Variants in CDH4 observed in about 807,000 individuals in gnomAD.
CDH4 encodes the protein cadherin-4.
A neutral mutation model predicts 86.0 loss-of-function variants in CDH4; 33 were observed. The observed-to-expected ratio is 0.38, with a 90% confidence interval of 0.29 to 0.51. The LOEUF (loss-of-function observed/expected upper bound fraction) is 0.51. Among genes scored for constraint, CDH4 ranks in the 20% least tolerant of loss-of-function variants. The pLI, the probability that CDH4 is intolerant of heterozygous loss-of-function variation, is 0.86. For synonymous variants in CDH4, 555 were observed against 549.4 expected (o/e 1.01, Z -0.14); for missense variants, 1,114 against 1,307.4 (o/e 0.85, Z 2.28).
intron 2 of CDH4, among the ~76,000 whole-genome samples, chr20:61,621,669 G>T (rs2086779148): frequency 6.6e-6 from 1 of 152,204 alleles, no homozygotes. Flanking sequence ...GCACCCAACA[G>T]CTGGGCATTG....
chr20:61,604,681 T>G (rs1341010414), intron 2 of CDH4, among the ~76,000 whole-genome samples: 3 of 152,188 alleles, frequency 2.0e-5, no homozygotes, highest in Admixed American at 2.0e-4. Flanking sequence ...AGAGCACACG[T>G]GCACATGCAT....
At chr20:61,570,633 A>G (rs927550141) in intron 2 of CDH4, 2 of 702,126 alleles carry the variant, frequency 2.8e-6, no homozygotes, top group African/African-American at 3.5e-5. Flanking sequence ...TGGGACAGAC[A>G]ATTTTGTTTT....
chr20:61,311,617 AGTTTGT>A (rs2084446077), intron 2 of CDH4, among the ~76,000 whole-genome samples: 1 of 152,256 alleles, frequency 6.6e-6, no homozygotes, highest in Non-Finnish European at 1.5e-5. Flanking sequence ...AATTAAGCAA[AGTTTGT>A]GTTTGTGTTA....
Position 61,805,645 on chromosome 20 carries a change from C to T in CDH4, c.576+32463C>T, listed in dbSNP as rs573102754. On this transcript the variant is annotated intron_variant, in intron 4 of 15. Transcript: ENST00000614565. ...TGGGGAGCATTCGACTGCCTGATGC[C>T]ACCCAACCTACCGCATGGCAGAGGT... is the stretch of plus-strand genomic sequence containing the variant. Among the ~76,000 whole-genome samples, 7 of 152,346 alleles carry T rather than the reference C, an allele frequency of 4.6e-5. No homozygotes were observed. The South Asian group carries it at 1.0e-3, about 23-fold the overall frequency.
rs147013757 is a variant in CDH4 at position 61,331,757 on chromosome 20, C to A, written c.169+76820C>A. On this transcript the variant is annotated intron_variant, in intron 2 of 15. Transcript: ENST00000614565. ...GAGATGCGAGGCACTGTCCCCAGGTCCCCTGTGTTAGTTACAGCACTCAGC... is the reference window on the plus strand; with the variant it reads ...GAGATGCGAGGCACTGTCCCCAGGTACCCTGTGTTAGTTACAGCACTCAGC... Among the ~76,000 whole-genome samples the A allele has an allele frequency of 3.0e-4, 45 of 152,236 alleles. No homozygotes were observed. In the East Asian group the frequency reaches 3.5e-3, roughly 12 times the overall value.
chr20:61,753,544 C>T (rs949833535), intron 3 of CDH4, among the ~76,000 whole-genome samples: 4 of 152,150 alleles, frequency 2.6e-5, no homozygotes, highest in Non-Finnish European at 5.9e-5. Flanking sequence ...TCACATATTT[C>T]CCACCGGAGG....
intron 2 of CDH4, among the ~76,000 whole-genome samples, chr20:61,615,419 G>A (rs975877482): frequency 2.0e-5 from 3 of 152,140 alleles, no homozygotes; most frequent in Non-Finnish European, 4.4e-5. Flanking sequence ...CCCGTGCCTG[G>A]CCTATTTTGC....
intron 2 of CDH4, among the ~76,000 whole-genome samples, chr20:61,673,092 C>G (rs139691674): frequency 1.3e-5 from 2 of 152,102 alleles, no homozygotes; most frequent in Non-Finnish European, 2.9e-5. Flanking sequence ...GGGATGCAGA[C>G]GGCCTCTAGA....
rs1486055291 is a variant in CDH4, at chr20:61,258,338, AAAAAAAAG to A, written c.169+3409_169+3416del. 6.3e-3 allele frequency among the ~76,000 whole-genome samples: 925 copies of A among 145,918 alleles called. 19 individuals carry two copies. The highest frequency in any genetic ancestry group is 0.023 in the African/African-American group (877 of 38,124). On this transcript the variant is annotated intron_variant, in intron 2 of 15. Coordinates refer to ENST00000614565, the MANE Select transcript of CDH4 (RefSeq NM_001794.5). Reference sequence around the variant, plus strand: ...GAACGAGACTCCGTCTCAAAAAAAAAAAAAAAAGAAAAAAAAAAAAGAAAGAGGAGCAT... The same window carrying A: ...GAACGAGACTCCGTCTCAAAAAAAAAAAAAAAAAAAAAGAAAGAGGAGCAT...
In CDH4 at chr20:61,516,519, G is replaced by T. The variant is rs895275325; in HGVS notation, c.170-227044G>T. On this transcript the variant is annotated intron_variant, in intron 2 of 15. Transcript: ENST00000614565. This position sits in a 1 kb window ranked among gnomAD's most constrained non-coding sequence, Gnocchi z 4.0. The stretch of plus-strand genomic sequence containing the variant: ...TCCATGTTGGGGAGTCTAACGGCAG[G>T]TTCTCACCGCCCTGGAAACTACATC... Among the ~76,000 whole-genome samples, 3 of 152,144 alleles carry T rather than the reference G, an allele frequency of 2.0e-5. No individual in the cohort carries two copies. Among genetic ancestry groups the T allele is most frequent in the Non-Finnish European group, 4.4e-5 (3 of 68,020 alleles).
Position 61,547,243 on chromosome 20 carries a change from C to T in CDH4, c.170-196320C>T, listed in dbSNP as rs2086094729. Among the ~76,000 whole-genome samples, 3 of 130,000 alleles carry T rather than the reference C, an allele frequency of 2.3e-5. No individual in the cohort carries two copies. The Admixed American group carries it at 2.5e-4, about 11-fold the overall frequency. 85.3% of individuals were successfully genotyped at this position (130,000 alleles called of 152,430 possible). ...TTTTTTGCCCCCTGAGACGGAGTCTCACTCTGTCTCCCAGGCTGGAGTGCA... is the reference window on the plus strand; with the variant it reads ...TTTTTTGCCCCCTGAGACGGAGTCTTACTCTGTCTCCCAGGCTGGAGTGCA... On this transcript the variant is annotated intron_variant, in intron 2 of 15. Coordinates refer to ENST00000614565, the MANE Select transcript of CDH4 (RefSeq NM_001794.5).
At chr20:61,686,146 G>C (rs2145864590) in intron 2 of CDH4, among the ~76,000 whole-genome samples, 1 of 152,332 alleles carries the variant, frequency 6.6e-6, no homozygotes, top group South Asian at 2.1e-4. Flanking sequence ...TGAGGATCTT[G>C]CCAGCTTTTC....
intron 8 of CDH4, among the ~76,000 whole-genome samples, chr20:61,905,282 T>C (rs1174166583): frequency 6.6e-6 from 1 of 152,238 alleles, no homozygotes; most frequent in African/African-American, 2.4e-5. Flanking sequence ...AAGGCCTTCT[T>C]TGTGAACCTT....
intron 2 of CDH4, among the ~76,000 whole-genome samples, chr20:61,610,033 A>T (rs2086673103): frequency 6.6e-6 from 1 of 152,212 alleles, no homozygotes; most frequent in Non-Finnish European, 1.5e-5. Context: ...AAACATACAA[A>T]AAATGATGGT....
chr20:61,921,019 A>T (rs2054975706), intron 9 of CDH4, among the ~76,000 whole-genome samples: 1 of 143,768 alleles, frequency 7.0e-6, no homozygotes, highest in African/African-American at 2.7e-5. Context: ...GCGTTGTGTC[A>T]CAGTAATTGC....
intron 2 of CDH4, among the ~76,000 whole-genome samples, chr20:61,302,091 C>T (rs3900646): frequency 0.1 from 15,632 of 152,240 alleles, 870 homozygotes; most frequent in Admixed American, 0.12. Flanking sequence ...AAGTCAGATC[C>T]GACTGACAAA....
chr20:61,565,334 G>GCGGTGCTCTTGGTGA lies in CDH4; in HGVS notation c.170-178229_170-178228insCGGTGCTCTTGGTGA, dbSNP rs1179664443. On this transcript the variant is annotated intron_variant, in intron 2 of 15. Transcript: ENST00000614565. ...GGTGGTGGCGGTGCTCTTGGTGATGGTGGTAGTGGTCCTCTTGGTGATGGG... is the reference window on the plus strand; with the variant it reads ...GGTGGTGGCGGTGCTCTTGGTGATGGCGGTGCTCTTGGTGATGGTAGTGGTCCTCTTGGTGATGGG... 1.0e-3 allele frequency among the ~76,000 whole-genome samples: 79 copies of GCGGTGCTCTTGGTGA among 75,548 alleles called. 25 individuals carry two copies. The East Asian group carries it at 0.011, about 10-fold the overall frequency. The allele number at this position is 75,548 out of a possible 152,430, so 49.6% of individuals were successfully genotyped here.
At chr20:61,632,581 G>A (rs2086899774) in intron 2 of CDH4, among the ~76,000 whole-genome samples, 1 of 151,904 alleles carries the variant, frequency 6.6e-6, no homozygotes, top group South Asian at 2.1e-4. Context: ...TGTAGAGGCA[G>A]CCCCCACTCT....
intron 2 of CDH4, among the ~76,000 whole-genome samples, chr20:61,445,534 C>T (rs959947640): frequency 1.3e-5 from 2 of 152,098 alleles, no homozygotes; most frequent in Admixed American, 1.3e-4. Flanking sequence ...CTCAAACCTC[C>T]CCTGGCTTCC....
Sources: gnomAD v4.1 joint callset for allele counts (sites outside exome capture counted in the v4.1 genomes callset) on GRCh38, gnomAD v4.1.1 for gene constraint, Gnocchi (gnomAD v3.1) non-coding constraint, MANE v1.5 for transcripts, NCBI Gene and HGNC (gene_info 2026-07-23, HGNC 2026-07-21) for gene names.